Variants in XXYLT1 observed in about 807,000 individuals in gnomAD.
The protein encoded by XXYLT1 is xyloside xylosyltransferase 1.
Under a neutral mutation model 28.9 loss-of-function variants are expected in XXYLT1, and 20 were observed. The ratio of observed to expected loss-of-function variants is 0.69; its 90% CI spans 0.49 to 1.00. The LOEUF is 1.00. XXYLT1 is among the 50% of genes least tolerant of loss of function. The pLI is 0.00. For synonymous variants in XXYLT1, 257 were observed against 253.8 expected, an observed-to-expected ratio of 1.01 and a Z score of -0.12; for missense variants, 542 against 560.1, an observed-to-expected ratio of 0.97 and a Z score of 0.33.
intron 1 of XXYLT1, among the ~76,000 whole-genome samples, chr3:195,241,926 C>T (rs760695251): frequency 5.3e-5 from 8 of 152,170 alleles, no homozygotes; most frequent in Non-Finnish European, 8.8e-5. Flanking sequence ...TATCACCAGA[C>T]ATGTCATATT....
intron 3 of XXYLT1, among the ~76,000 whole-genome samples, chr3:195,099,488 C>A (rs948575455): frequency 1.2e-4 from 18 of 152,220 alleles, no homozygotes; most frequent in African/African-American, 3.4e-4. Context: ...TCACAAGCCC[C>A]TTTCCCTGTG....
At chr3:195,089,126 C>T (rs1028942707) in intron 3 of XXYLT1, among the ~76,000 whole-genome samples, 3 of 150,126 alleles carry the variant, frequency 2.0e-5, no homozygotes, top group African/African-American at 7.3e-5. Flanking sequence ...AGGAGAACTT[C>T]CCCAATCTAG....
intron 3 of XXYLT1, among the ~76,000 whole-genome samples, chr3:195,149,470 G>C (rs1046714427): frequency 3.3e-5 from 5 of 152,212 alleles, no homozygotes; most frequent in Non-Finnish European, 7.3e-5. Context: ...AGCAAGCAAA[G>C]GGCCAGATGT....
chr3:195,190,508 A>C (rs1423290464), intron 2 of XXYLT1, among the ~76,000 whole-genome samples: 1 of 151,414 alleles, frequency 6.6e-6, no homozygotes, highest in Non-Finnish European at 1.5e-5. Context: ...AAAAAAAAAA[A>C]AAAAAAAAAA....
At position 195,204,466 on chromosome 3, in the gene XXYLT1, T is replaced by A. The variant is rs549748381; in HGVS notation, c.652+22243A>T. Among the ~76,000 whole-genome samples, 51 of 135,728 alleles carry A rather than the reference T, an allele frequency of 3.8e-4. No homozygotes were observed. The South Asian group carries it at 0.013, about 33-fold the overall frequency. 89.0% of individuals were successfully genotyped at this position (135,728 alleles called of 152,430 possible). A position where few individuals can be genotyped will look rare whatever the true frequency, so the allele number is the denominator to read the frequency against. ...GACACACACACGCACACACACACAC[T>A]CACTCTCTCACTCTCTCTCTCTCTC... is the stretch of plus-strand genomic sequence containing the variant. On this transcript the variant is annotated intron_variant, in intron 2 of 3. Coordinates refer to ENST00000310380, the MANE Select transcript of XXYLT1 (RefSeq NM_152531.5).
intron 1 of XXYLT1, among the ~76,000 whole-genome samples, chr3:195,252,939 G>A (rs1169850120): frequency 7.2e-5 from 11 of 152,148 alleles, no homozygotes; most frequent in Middle Eastern, 3.2e-3. Flanking sequence ...ATTCAGTAAC[G>A]TGAGTAGAGA....
chr3:195,160,934 T>C (rs1245395760), intron 2 of XXYLT1, among the ~76,000 whole-genome samples: 2 of 152,234 alleles, frequency 1.3e-5, no homozygotes, highest in East Asian at 3.9e-4. Context: ...CTCTTCTCCA[T>C]TTCCCTCCCA....
intron 2 of XXYLT1, 134 bp downstream of exon 2, chr3:195,226,575 T>G: frequency 8.5e-7 from 1 of 1,170,166 alleles, no homozygotes; most frequent in Non-Finnish European, 1.2e-6. Flanking sequence ...GGGCTTGGTC[T>G]GGCTCCCTCG....
chr3:195,126,129 G>C (rs1256892845), intron 3 of XXYLT1, among the ~76,000 whole-genome samples: 1 of 132,348 alleles, frequency 7.6e-6, no homozygotes, highest in African/African-American at 3.0e-5. Flanking sequence ...GGGCAAGCTG[G>C]TGCAGTTTTC....
chr3:195,102,308 T>C (rs1181914060), intron 3 of XXYLT1, among the ~76,000 whole-genome samples: 1 of 152,146 alleles, frequency 6.6e-6, no homozygotes, highest in Non-Finnish European at 1.5e-5. Context: ...TAAAACAAAC[T>C]CTTTTCGCAA....
chr3:195,098,581 G>A (rs371268700), intron 3 of XXYLT1, among the ~76,000 whole-genome samples: 7 of 152,170 alleles, frequency 4.6e-5, no homozygotes, highest in African/African-American at 1.4e-4. Context: ...TTAAAATGGC[G>A]AATTCTGTGT....
intron 2 of XXYLT1, among the ~76,000 whole-genome samples, chr3:195,186,514 C>T (rs900784304): frequency 2.0e-5 from 3 of 152,132 alleles, no homozygotes; most frequent in African/African-American, 7.2e-5. Context: ...ACTCAATATG[C>T]TCTCGGCCTC....
Position 195,256,698 on chromosome 3 carries a change from G to A in XXYLT1, c.504+13857C>T, listed in dbSNP as rs955701826. The A allele has an allele frequency of 1.6e-5, 8 of 514,348 alleles. No individual in the cohort carries two copies. The highest frequency in any genetic ancestry group is 1.5e-4 in the African/African-American group (7 of 48,076). The allele number at this position is 514,348 out of a possible 1,614,324, so 31.9% of individuals were successfully genotyped here. ...GGAGCGTCCCCACTCCTCTTATGAT[G>A]AGAAACTGAGGCAAAGACATCAGAA... On this transcript the variant is annotated intron_variant, in intron 1 of 3. Transcript: ENST00000310380. This position sits in a 1 kb window ranked among gnomAD's most constrained non-coding sequence, Gnocchi z 4.2.
chr3:195,154,883 G>A (rs900189057), intron 3 of XXYLT1, among the ~76,000 whole-genome samples: 4 of 152,168 alleles, frequency 2.6e-5, no homozygotes, highest in African/African-American at 7.2e-5. Context: ...AGGGTGCTAC[G>A]GACCCATATG....
intron 3 of XXYLT1, among the ~76,000 whole-genome samples, chr3:195,135,671 G>T (rs940789039): frequency 6.6e-6 from 1 of 152,226 alleles, no homozygotes. Context: ...TGGGGTTCCT[G>T]TGACTGAAGG....
intron 1 of XXYLT1, among the ~76,000 whole-genome samples, chr3:195,235,891 TATAGACATAGAC>T (rs3988214): frequency 0.066 from 9,524 of 144,794 alleles, 541 homozygotes; most frequent in African/African-American, 0.15. Context: ...TCTATAAATA[TATAGACATAGAC>T]ATAGACATAG....
At chr3:195,243,662 G>A (rs1182297400) in intron 1 of XXYLT1, among the ~76,000 whole-genome samples, 1 of 152,076 alleles carries the variant, frequency 6.6e-6, no homozygotes, top group African/African-American at 2.4e-5. Flanking sequence ...GCTGCCTGTT[G>A]CCCCCACCAA....
chr3:195,114,705 G>A (rs1407326294), intron 3 of XXYLT1, among the ~76,000 whole-genome samples: 4 of 152,340 alleles, frequency 2.6e-5, no homozygotes, highest in South Asian at 2.1e-4. Flanking sequence ...AGAAGGCAGC[G>A]CGGCTTTGCC....
chr3:195,257,935 G>A lies in XXYLT1; in HGVS notation c.504+12620C>T, dbSNP rs909247067. ...CTCTCCATCCTCACAAAGCAGCCCC[G>A]GCACACCCACAATCCTCGACCCTGT... On this transcript the variant is annotated intron_variant, in intron 1 of 3. Transcript: ENST00000310380. The surrounding 1 kb of genome is among the most constrained non-coding windows in gnomAD (Gnocchi z 4.3). Among the ~76,000 whole-genome samples the A allele has an allele frequency of 1.3e-5, 2 of 152,014 alleles. No homozygotes were observed. The highest frequency in any genetic ancestry group is 1.9e-4 in the East Asian group (1 of 5,184).
Sources: allele counts gnomAD v4.1 joint callset (sites outside exome capture counted in the v4.1 genomes callset), GRCh38; gene constraint gnomAD v4.1.1; non-coding constraint Gnocchi (gnomAD v3.1); transcripts MANE v1.5; gene names NCBI Gene and HGNC (gene_info 2026-07-23, HGNC 2026-07-21).